Variants in MEGF10 observed in about 807,000 individuals in gnomAD.
MEGF10 encodes multiple EGF like domains 10, also known as multiple epidermal growth factor-like domains protein 10.
In MEGF10, 86 loss-of-function variants were observed where a neutral mutation model predicts 147.5. The observed-to-expected ratio is 0.58, with a 90% CI of 0.49 to 0.70. The LOEUF (loss-of-function observed/expected upper bound fraction) is 0.70. Among genes scored for constraint, MEGF10 ranks in the 30% least tolerant of loss-of-function variants. The probability of loss-of-function intolerance (pLI) is 0.00; values close to 1 mark genes in which losing one functional copy is unlikely to be tolerated. For synonymous variants in MEGF10, 478 were observed against 525.5 expected (o/e 0.91, Z 1.24); for missense variants, 1,329 against 1,487.3 (o/e 0.89, Z 1.75).
chr5:127,366,829 A>G (rs1762673818), intron 4 of MEGF10, among the ~76,000 whole-genome samples: 1 of 152,222 alleles, frequency 6.6e-6, no homozygotes, highest in Non-Finnish European at 1.5e-5. Flanking sequence ...AGCATTCTGA[A>G]GCAGGTCTCC....
chr5:127,289,114 G>A (rs1325633564), upstream of MEGF10, among the ~76,000 whole-genome samples: 2 of 152,204 alleles, frequency 1.3e-5, no homozygotes, highest in Admixed American at 1.3e-4. Flanking sequence ...ACCCTCTGAG[G>A]TGATGGAATT....
At chr5:127,335,561 C>A (rs192362714) in intron 2 of MEGF10, among the ~76,000 whole-genome samples, 11 of 152,244 alleles carry the variant, frequency 7.2e-5, no homozygotes, top group Admixed American at 6.5e-4. Context: ...AGAATGACAA[C>A]TTAATTGCCT....
At chr5:127,353,447 G>A (rs949470399) in intron 4 of MEGF10, among the ~76,000 whole-genome samples, 3 of 152,228 alleles carry the variant, frequency 2.0e-5, no homozygotes, top group Non-Finnish European at 2.9e-5. Flanking sequence ...AGCAGAGTGG[G>A]AAGTTGGCAG....
At chr5:127,327,660 A>G (rs2126776351) in intron 1 of MEGF10, among the ~76,000 whole-genome samples, 1 of 152,004 alleles carries the variant, frequency 6.6e-6, no homozygotes. Flanking sequence ...CAAAGAAGAT[A>G]GGGAAAAAGT....
the MEGF10 span, among the ~76,000 whole-genome samples, chr5:127,262,751 T>C: frequency 6.6e-6 from 1 of 152,200 alleles, no homozygotes; most frequent in South Asian, 2.1e-4. Flanking sequence ...AAAAACTCTG[T>C]CCTATATCTT....
chr5:127,264,598 C>A, the MEGF10 span, among the ~76,000 whole-genome samples: 17 of 152,098 alleles, frequency 1.1e-4, no homozygotes, highest in African/African-American at 4.1e-4. Context: ...CTATGTTGCA[C>A]TCTCCATCAG....
chr5:127,444,831 A>C (rs890402568), intron 19 of MEGF10: 4 of 152,732 alleles, frequency 2.6e-5, no homozygotes, highest in African/African-American at 9.6e-5. Flanking sequence ...TCCTGTTCTT[A>C]GACTAGATTT....
chr5:127,401,362 C>T (rs1274073954), intron 7 of MEGF10, among the ~76,000 whole-genome samples: 1 of 152,202 alleles, frequency 6.6e-6, no homozygotes, highest in Non-Finnish European at 1.5e-5. Context: ...TGATTCGAAT[C>T]ATCTCTCAAA....
At chr5:127,424,250 A>T in intron 13 of MEGF10, 1 of 689,664 alleles carries the variant, frequency 1.4e-6, no homozygotes, top group Non-Finnish European at 2.6e-6. Context: ...TCCTTATGCC[A>T]GCACCATACA....
At chr5:127,297,258 C>T (rs1472265821) in intron 1 of MEGF10, among the ~76,000 whole-genome samples, 1 of 152,162 alleles carries the variant, frequency 6.6e-6, no homozygotes, top group Non-Finnish European at 1.5e-5. Flanking sequence ...TGAGCCACTG[C>T]ACCTGGCTGT....
In MEGF10 at chr5:127,339,206, A is replaced by G. The variant is rs1761583273; in HGVS notation, c.203A>G (p.Lys68Arg). The G allele has an allele frequency of 1.9e-6, 3 of 1,611,766 alleles. No individual in the cohort carries two copies. The highest frequency in any genetic ancestry group is 1.7e-6 in the Non-Finnish European group (2 of 1,178,226). Residue 68 changes from lysine to arginine, a missense_variant, in exon 3 of 25, where the codon AAA (lysine) becomes AGA (arginine). By Grantham distance (26) the Lys-to-Arg change is conservative. Around this residue, in one of 3 missense-constraint regions of MEGF10, gnomAD observed 980 missense variants for 1,085.9 expected, o/e 0.90. Transcript: ENST00000503335. ...TSCTDILNWF[K>R]CTRHRVSYRT... ...TGCACTGACATTCTAAACTGGTTTA[A>G]ATGCACGCGGCACAGGTAATAGAAG... is the stretch of plus-strand genomic sequence containing the variant.
At chr5:127,317,788 A>C (rs549530509) in intron 1 of MEGF10, among the ~76,000 whole-genome samples, 2 of 152,258 alleles carry the variant, frequency 1.3e-5, no homozygotes, top group East Asian at 3.9e-4. Context: ...CATTAGGAGA[A>C]ATACCTAATA....
intron 9 of MEGF10, among the ~76,000 whole-genome samples, chr5:127,415,113 A>T (rs1038754621): frequency 1.3e-5 from 2 of 152,192 alleles, no homozygotes; most frequent in Non-Finnish European, 2.9e-5. Context: ...GAGAAATCCA[A>T]TGTGGTCAAG....
At chr5:127,391,490 C>T (rs187741988) in intron 5 of MEGF10, among the ~76,000 whole-genome samples, 6 of 151,564 alleles carry the variant, frequency 4.0e-5, no homozygotes, top group Admixed American at 2.6e-4. Flanking sequence ...ATCACTTGAG[C>T]CCAGGGAAGG....
intron 1 of MEGF10, among the ~76,000 whole-genome samples, chr5:127,312,779 A>T (rs1299591008): frequency 6.6e-6 from 1 of 151,972 alleles, no homozygotes; most frequent in Non-Finnish European, 1.5e-5. Context: ...ATGTTCTCTG[A>T]CTCTCTTAGG....
chr5:127,408,380 G>A (rs1764415471), intron 8 of MEGF10, among the ~76,000 whole-genome samples: 1 of 152,090 alleles, frequency 6.6e-6, no homozygotes, highest in African/African-American at 2.4e-5. Context: ...TAACAGACAG[G>A]TTGAAAAGTT....
chr5:127,458,517 C>A lies in MEGF10; in HGVS notation c.*1199C>A, dbSNP rs1235711177. 6.6e-6 allele frequency: 1 copy of A among 151,928 alleles called. No individual in the cohort carries two copies. The highest frequency in any genetic ancestry group is 1.5e-5 in the Non-Finnish European group (1 of 67,992). 9.4% of individuals were successfully genotyped at this position (151,928 alleles called of 1,614,324 possible). ...TGTTAATGAAAAAATATTATATGTTCGTTATTCCTTGTATTATTGCCACTT... is the reference window on the plus strand; with the variant it reads ...TGTTAATGAAAAAATATTATATGTTAGTTATTCCTTGTATTATTGCCACTT... On this transcript the variant is annotated 3_prime_UTR_variant, in exon 25 of 25. Transcript: ENST00000503335.
At chr5:127,231,855 T>A in the MEGF10 span, among the ~76,000 whole-genome samples, 1 of 152,074 alleles carries the variant, frequency 6.6e-6, no homozygotes. Flanking sequence ...GAATGGAGAA[T>A]GTGGAAGAAG....
intron 8 of MEGF10, among the ~76,000 whole-genome samples, chr5:127,404,296 T>C (rs1007619114): frequency 6.6e-5 from 10 of 152,114 alleles, no homozygotes; most frequent in African/African-American, 2.4e-4. Flanking sequence ...ATCTTTTGCC[T>C]ATTTTTGATT....
Sources: allele counts gnomAD v4.1 joint callset (sites outside exome capture counted in the v4.1 genomes callset), GRCh38; gene constraint gnomAD v4.1.1; regional missense constraint gnomAD v4.1.1; transcripts MANE v1.5; gene names NCBI Gene and HGNC (gene_info 2026-07-23, HGNC 2026-07-21).